The following TMX3 variants were observed in gnomAD, a reference collection of about 807,000 sequenced individuals.
The protein encoded by TMX3 is protein disulfide-isomerase TMX3.
Under a neutral mutation model 64.4 loss-of-function variants are expected in TMX3, and 40 were observed. The observed-to-expected ratio is 0.62, with a 90% CI of 0.48 to 0.81. TMX3 has a LOEUF of 0.81. Ranked by LOEUF, TMX3 falls within the 30% of genes least tolerant of loss-of-function variation. The pLI is 0.00. For missense variants in TMX3, 497 were observed against 534.5 expected, an observed-to-expected ratio of 0.93 and a Z score of 0.69; for synonymous variants, 189 against 175.7, an observed-to-expected ratio of 1.08 and a Z score of -0.60.
chr18:68,694,893 A>G (rs1399720202), intron 8 of TMX3, among the ~76,000 whole-genome samples: 6 of 152,224 alleles, frequency 3.9e-5, no homozygotes, highest in African/African-American at 1.4e-4. Flanking sequence ...ACATTAAATC[A>G]TGTAAAAGAA....
intron 6 of TMX3, among the ~76,000 whole-genome samples, chr18:68,698,879 G>A (rs1337897727): frequency 1.3e-5 from 2 of 150,374 alleles, no homozygotes; most frequent in Admixed American, 6.7e-5. Flanking sequence ...AAAATTAGCC[G>A]GGCGTGGTAG....
intron 8 of TMX3, chr18:68,697,018 G>A (rs1423359544): frequency 6.4e-5 from 25 of 390,568 alleles, no homozygotes; most frequent in Non-Finnish European, 8.9e-5. Context: ...TAAATGCTAC[G>A]AATCTGATGG....
At chr18:68,706,160 A>AGGCAGATCACCTGAGGAGGAC (rs1202160621) in intron 4 of TMX3, 2 of 152,406 alleles carry the variant, frequency 1.3e-5, no homozygotes, top group African/African-American at 4.8e-5. Flanking sequence ...AGGCCGAGGC[A>AGGCAGATCACCTGAGGAGGAC]GGCAGATCAC....
At chr18:68,680,814 T>C (rs763286599) in intron 14 of TMX3, among the ~76,000 whole-genome samples, 167 bp downstream of exon 14, 1 of 152,168 alleles carries the variant, frequency 6.6e-6, no homozygotes, top group African/African-American at 2.4e-5. Context: ...TCTGGGAGAA[T>C]GTACCTCTAC....
intron 4 of TMX3, 47 bp from the exon 5 acceptor site, chr18:68,701,837 A>G (rs1325796952): frequency 6.7e-7 from 1 of 1,488,688 alleles, no homozygotes; most frequent in South Asian, 1.2e-5. Flanking sequence ...TTTAAATATG[A>G]GAAACTAGGT....
chr18:68,714,822 G>T, intron 1 of TMX3, 114 bp downstream of exon 1: 1 of 1,376,006 alleles, frequency 7.3e-7, no homozygotes, highest in South Asian at 1.4e-5. Flanking sequence ...GGGAATGGGT[G>T]GGCATCTCCA....
At chr18:68,680,173 C>A (rs375147269) in intron 14 of TMX3, among the ~76,000 whole-genome samples, 3 of 152,002 alleles carry the variant, frequency 2.0e-5, no homozygotes, top group East Asian at 3.9e-4. Context: ...TCACCTTGAC[C>A]GAAAGTAGTT....
intron 2 of TMX3, among the ~76,000 whole-genome samples, chr18:68,712,509 C>G (rs1465187724): frequency 6.6e-6 from 1 of 152,120 alleles, no homozygotes; most frequent in Non-Finnish European, 1.5e-5. Context: ...GAGCAAGGAA[C>G]AATTCATTTT....
intron 14 of TMX3, among the ~76,000 whole-genome samples, chr18:68,680,418 T>C (rs965133187): frequency 2.0e-5 from 3 of 152,142 alleles, no homozygotes; most frequent in African/African-American, 7.2e-5. Flanking sequence ...AGTTAAAATT[T>C]ATAGGAAAAA....
intron 13 of TMX3, among the ~76,000 whole-genome samples, chr18:68,682,325 T>G (rs1443106122): frequency 6.6e-6 from 1 of 152,198 alleles, no homozygotes; most frequent in South Asian, 2.1e-4. Flanking sequence ...TTTTCTAATA[T>G]CAGTCTTGTG....
Position 68,674,365 on chromosome 18 carries a change from T to A in TMX3, c.*2568A>T, listed in dbSNP as rs1169966090. On this transcript the variant is annotated 3_prime_UTR_variant, in exon 16 of 16. Coordinates refer to ENST00000299608, the MANE Select transcript of TMX3 (RefSeq NM_019022.5). ...AAACATGCACTTTGTCTCGCTGAAA[T>A]GTCCTTAAATATTGTCTGAGCACCA... 6.6e-6 allele frequency: 1 copy of A among 152,142 alleles called. No individual in the cohort carries two copies. Among genetic ancestry groups the A allele is most frequent in the Non-Finnish European group, 1.5e-5 (1 of 67,988 alleles). 9.4% of individuals were successfully genotyped at this position (152,142 alleles called of 1,614,324 possible). A position where few individuals can be genotyped will look rare whatever the true frequency, so the allele number is the denominator to read the frequency against.
Position 68,707,951 on chromosome 18 carries a change from GTA to G in TMX3, c.265+2068_265+2069del, listed in dbSNP as rs573594893. ...TGTGTATATATGTGTATATATATGTGTATATATGTGTATATGTGTACATATAT... is the reference window on the plus strand; with the variant it reads ...TGTGTATATATGTGTATATATATGTGTATATGTGTATATGTGTACATATAT... On this transcript the variant is annotated intron_variant, in intron 4 of 15. Transcript: ENST00000299608. Among the ~76,000 whole-genome samples, 304 of 149,856 alleles carry G rather than the reference GTA, an allele frequency of 2.0e-3. 3 individuals carry two copies. The highest frequency in any genetic ancestry group is 3.7e-3 in the Non-Finnish European group (249 of 67,624).
chr18:68,712,467 G>A (rs1458793647), intron 2 of TMX3, among the ~76,000 whole-genome samples: 2 of 152,112 alleles, frequency 1.3e-5, no homozygotes, highest in African/African-American at 2.4e-5. Context: ...TGTGGATCCC[G>A]GAGGCAACTG....
chr18:68,696,535 C>T (rs428537), intron 8 of TMX3, among the ~76,000 whole-genome samples: 23,151 of 151,498 alleles, frequency 0.15, 2,291 homozygotes, highest in African/African-American at 0.28. Flanking sequence ...GGAGTGCAGT[C>T]GTGCAATCTT....
intron 15 of TMX3, among the ~76,000 whole-genome samples, chr18:68,679,144 T>C (rs1913188323): frequency 6.6e-6 from 1 of 152,118 alleles, no homozygotes. Flanking sequence ...ACTAAAAATT[T>C]CATATTATCT....
intron 15 of TMX3, among the ~76,000 whole-genome samples, 175 bp downstream of exon 15, chr18:68,679,288 A>G (rs1913199271): frequency 6.6e-6 from 1 of 152,188 alleles, no homozygotes; most frequent in Non-Finnish European, 1.5e-5. Context: ...CATATAAACA[A>G]TTAGAAACAA....
intron 14 of TMX3, 170 bp from the exon 15 acceptor site, chr18:68,679,701 T>A (rs1027800529): frequency 2.2e-5 from 12 of 555,520 alleles, no homozygotes; most frequent in African/African-American, 2.1e-4. Context: ...CTGTGTCATG[T>A]CCAGCATTCC....
In TMX3 at chr18:68,675,756, T is replaced by C. The variant is rs1251554894; in HGVS notation, c.*1177A>G. ...CTGTTACTTTAAAAAAAAGAGTTTT[T>C]AGACATTGCTTTGGAAAGAATTCCT... On this transcript the variant is annotated 3_prime_UTR_variant, in exon 16 of 16. Transcript: ENST00000299608. 1.3e-5 allele frequency: 2 copies of C among 152,198 alleles called. No individual in the cohort carries two copies. The highest frequency in any genetic ancestry group is 1.9e-4 in the East Asian group (1 of 5,196). The allele number at this position is 152,198 out of a possible 1,614,324, so 9.4% of individuals were successfully genotyped here. A position where few individuals can be genotyped will look rare whatever the true frequency, so the allele number is the denominator to read the frequency against.
rs746395549 is a variant in TMX3 at position 68,709,974 on chromosome 18, G to GT, written c.265+46dup. 1.1e-5 allele frequency: 17 copies of GT among 1,512,782 alleles called. No homozygotes were observed. In the East Asian group the frequency reaches 1.2e-4, roughly 11 times the overall value. 93.7% of individuals were successfully genotyped at this position (1,512,782 alleles called of 1,614,324 possible). A position where few individuals can be genotyped will look rare whatever the true frequency, so the allele number is the denominator to read the frequency against. ...ACCCTGAATACTGTTGCATATAAAT[G>GT]TTTTTGCTGTGAGAACAGTAAAATA... On this transcript the variant is annotated intron_variant, in intron 4 of 15. Transcript: ENST00000299608.
Sources: allele counts gnomAD v4.1 joint callset (sites outside exome capture counted in the v4.1 genomes callset), GRCh38; gene constraint gnomAD v4.1.1; transcripts MANE v1.5; gene names NCBI Gene and HGNC (gene_info 2026-07-23, HGNC 2026-07-21).